ZNF451: variants seen among roughly 807,000 people sequenced by gnomAD.
ZNF451 encodes E3 SUMO-protein ligase ZNF451.
A neutral mutation model predicts 107.1 loss-of-function variants in ZNF451; 80 were observed. The observed-to-expected ratio is 0.75, with a 90% CI of 0.62 to 0.90. The LOEUF (loss-of-function observed/expected upper bound fraction) is 0.90. Among genes scored for constraint, ZNF451 ranks in the 40% least tolerant of loss-of-function variants. The pLI, the probability that ZNF451 is intolerant of heterozygous loss-of-function variation, is 0.00. For missense variants in ZNF451, 1,107 were observed against 1,236.2 expected, an observed-to-expected ratio of 0.90 and a Z score of 1.57; for synonymous variants, 362 against 406.5, an observed-to-expected ratio of 0.89 and a Z score of 1.32.
chr6:57,099,249 C>T (rs1562587724), intron 3 of ZNF451, 108 bp downstream of exon 3: 1 of 870,986 alleles, frequency 1.1e-6, no homozygotes, highest in Non-Finnish European at 1.9e-6. Context: ...ATAGCCAGTT[C>T]TATTAGAATG....
chr6:57,111,047 G>T (rs990465962), intron 3 of ZNF451, among the ~76,000 whole-genome samples: 2 of 151,908 alleles, frequency 1.3e-5, no homozygotes, highest in African/African-American at 4.8e-5. Flanking sequence ...AGCCTCCCAA[G>T]TAGCTAGGAT....
intron 3 of ZNF451, chr6:57,106,237 A>T: frequency 1.0e-6 from 1 of 984,328 alleles, no homozygotes; most frequent in Non-Finnish European, 1.2e-6. Context: ...GTTGACTGGG[A>T]TTCTGATGAA....
intron 6 of ZNF451, 121 bp from the exon 7 acceptor site, chr6:57,134,623 T>C: frequency 1.3e-6 from 1 of 786,040 alleles, no homozygotes; most frequent in Non-Finnish European, 2.0e-6. Flanking sequence ...AATATTTCAG[T>C]AGAAAAGTGC....
chr6:57,110,566 A>G (rs1830061010), intron 3 of ZNF451, among the ~76,000 whole-genome samples: 1 of 152,216 alleles, frequency 6.6e-6, no homozygotes, highest in Non-Finnish European at 1.5e-5. Flanking sequence ...GTATCCCTTC[A>G]TGGTTAAATG....
intron 3 of ZNF451, among the ~76,000 whole-genome samples, chr6:57,111,503 C>T (rs922558606): frequency 1.3e-5 from 2 of 152,024 alleles, no homozygotes; most frequent in African/African-American, 4.8e-5. Context: ...GCCTCAGCCT[C>T]CCGAGTAGCT....
intron 3 of ZNF451, chr6:57,124,533 T>C: frequency 1.4e-6 from 1 of 704,186 alleles, no homozygotes; most frequent in South Asian, 1.5e-5. Context: ...AGCAGCTCAT[T>C]TGTCTAACTT....
In ZNF451 at chr6:57,168,690, TTATG is replaced by T; in HGVS notation, c.*225_*228del. On this transcript the variant is annotated 3_prime_UTR_variant, in exon 15 of 15. Coordinates refer to ENST00000370706, the MANE Select transcript of ZNF451 (RefSeq NM_001031623.3). ...GAATACATGTTCATGCAAATATAAATTATGTATTCTAATATAGGTGTAACAGTTT... is the reference window on the plus strand; with the variant it reads ...GAATACATGTTCATGCAAATATAAATTATTCTAATATAGGTGTAACAGTTT... The T allele has an allele frequency of 2.0e-6, 1 of 489,002 alleles. No homozygotes were observed. Among genetic ancestry groups the T allele is most frequent in the Non-Finnish European group, 3.6e-6 (1 of 281,062 alleles). The allele number at this position is 489,002 out of a possible 1,614,324, so 30.3% of individuals were successfully genotyped here. A position where few individuals can be genotyped will look rare whatever the true frequency, so the allele number is the denominator to read the frequency against.
chr6:57,116,668 A>T (rs1830385552), intron 3 of ZNF451: 1 of 152,206 alleles, frequency 6.6e-6, no homozygotes, highest in Non-Finnish European at 1.5e-5. Flanking sequence ...AAAGTTTCTC[A>T]GTTCAAAATT....
chr6:57,103,583 A>G lies in ZNF451; in HGVS notation c.186+4442A>G, dbSNP rs921783913. 2.7e-5 allele frequency: 27 copies of G among 985,224 alleles called. No individual in the cohort carries two copies. The African/African-American group carries it at 4.5e-4, about 17-fold the overall frequency. The allele number at this position is 985,224 out of a possible 1,614,324, so 61.0% of individuals were successfully genotyped here. Reference sequence around the variant, plus strand: ...TCACAGCATGACATCAGGAATGGAGAATATGTCAAATTTGAGGGGTCTGAA... The same window carrying G: ...TCACAGCATGACATCAGGAATGGAGGATATGTCAAATTTGAGGGGTCTGAA... On this transcript the variant is annotated intron_variant, in intron 3 of 14. Coordinates refer to ENST00000370706, the MANE Select transcript of ZNF451 (RefSeq NM_001031623.3).
At chr6:57,115,823 C>T (rs1007786356) in intron 3 of ZNF451, among the ~76,000 whole-genome samples, 3 of 152,170 alleles carry the variant, frequency 2.0e-5, no homozygotes, top group African/African-American at 7.2e-5. Flanking sequence ...ATAGCTTATT[C>T]ACTGTCGGTA....
chr6:57,142,206 C>A, intron 9 of ZNF451, 111 bp downstream of exon 9: 1 of 1,315,966 alleles, frequency 7.6e-7, no homozygotes, highest in Non-Finnish European at 1.0e-6. Flanking sequence ...TGAGAATATA[C>A]AGTTGCCTGG....
intron 14 of ZNF451, among the ~76,000 whole-genome samples, chr6:57,168,108 A>G (rs1190226947): frequency 6.6e-6 from 1 of 152,156 alleles, no homozygotes; most frequent in Admixed American, 6.6e-5. Context: ...TAAGTGATAC[A>G]GATTTTTTTT....
At chr6:57,159,507 T>C (rs1763573273) in intron 13 of ZNF451, 3 of 401,940 alleles carry the variant, frequency 7.5e-6, no homozygotes, top group Admixed American at 6.4e-5. Context: ...TTGTAAACTT[T>C]CTTAAAACAT....
At chr6:57,162,251 T>C (rs1046260902) in intron 14 of ZNF451, among the ~76,000 whole-genome samples, 1 of 152,290 alleles carries the variant, frequency 6.6e-6, no homozygotes, top group East Asian at 1.9e-4. Context: ...ACAAACAGAA[T>C]GGCCCAACTG....
intron 7 of ZNF451, among the ~76,000 whole-genome samples, chr6:57,140,387 GA>G (rs997522247): frequency 2.0e-5 from 3 of 152,046 alleles, no homozygotes; most frequent in African/African-American, 4.8e-5. Flanking sequence ...GCAACGTGGG[GA>G]AACCCTGTCT....
intron 3 of ZNF451, chr6:57,104,673 G>A: frequency 1.0e-6 from 1 of 985,188 alleles, no homozygotes; most frequent in Non-Finnish European, 1.2e-6. Flanking sequence ...TGGTAGTGTT[G>A]ACTATATTTG....
chr6:57,156,485 C>T (rs925769648), intron 13 of ZNF451, among the ~76,000 whole-genome samples: 2 of 152,142 alleles, frequency 1.3e-5, no homozygotes, highest in Admixed American at 6.5e-5. Flanking sequence ...ACTCCTTGCA[C>T]ATAGCTAAAC....
intron 2 of ZNF451, among the ~76,000 whole-genome samples, chr6:57,096,617 G>A (rs1829331305): frequency 8.1e-6 from 1 of 124,022 alleles, no homozygotes; most frequent in Admixed American, 9.0e-5. Context: ...GGGGGGGTAG[G>A]GGGGCGCTTT....
chr6:57,117,098 T>C (rs1395421065), intron 3 of ZNF451, among the ~76,000 whole-genome samples: 1 of 152,200 alleles, frequency 6.6e-6, no homozygotes, highest in Non-Finnish European at 1.5e-5. Context: ...TAGTAGAGAA[T>C]AACAGAGGCA....
Sources: gnomAD v4.1 joint callset for allele counts (sites outside exome capture counted in the v4.1 genomes callset) on GRCh38, gnomAD v4.1.1 for gene constraint, MANE v1.5 for transcripts, NCBI Gene and HGNC (gene_info 2026-07-23, HGNC 2026-07-21) for gene names.